LTBP3: variants seen among roughly 807,000 people sequenced by gnomAD.
LTBP3 encodes latent-transforming growth factor beta-binding protein 3.
Under a neutral mutation model 159.7 loss-of-function variants are expected in LTBP3, and 97 were observed. The ratio of observed to expected loss-of-function variants is 0.61; its 90% confidence interval spans 0.52 to 0.72. LTBP3 has a LOEUF of 0.72. Ranked by LOEUF, LTBP3 falls within the 30% of genes least tolerant of loss-of-function variation. LTBP3 has a pLI of 0.00. For synonymous variants in LTBP3, 824 were observed against 777.1 expected (o/e 1.06, Z -1.00); for missense variants, 1,584 against 1,864.3 (o/e 0.85, Z 2.77).
At position 65,551,206 on chromosome 11, in the gene LTBP3, G is replaced by A. The variant is rs1191560560; in HGVS notation, c.1640C>T (p.Ser547Leu). 4 of 1,548,562 alleles carry A rather than the reference G, an allele frequency of 2.6e-6. No individual in the cohort carries two copies. The highest frequency in any genetic ancestry group is 3.5e-6 in the Non-Finnish European group (4 of 1,147,608). ...RPYPELISRPSPPTMRWFLPD... is the reference protein window; with the variant it reads ...RPYPELISRPLPPTMRWFLPD... ...CAGGAACCAGCGCATGGTCGGGGGC[G>A]AGGGACGGGAGATCAGCTCTGCGGG... The change falls in exon 11 of 28, where the codon TCG becomes TTG. Residue 547 changes from serine (S) to leucine (L), a missense_variant. This residue lies in a region of LTBP3 where 565 missense variants were observed against 677.7 expected (regional missense o/e 0.83). Transcript: ENST00000301873.
chr11:65,553,304 G>A lies in LTBP3; in HGVS notation c.971-48C>T, dbSNP rs1186842086. The A allele has an allele frequency of 2.6e-6, 4 of 1,552,686 alleles. No homozygotes were observed. The African/African-American group carries it at 4.1e-5, about 16-fold the overall frequency. ...CAGGGGAGGGTGAGGAGGGAACTGG[G>A]GAGGGGCACAGCAGATGTAGAGAGG... On this transcript the variant is annotated intron_variant, in intron 4 of 27. Coordinates refer to ENST00000301873, the MANE Select transcript of LTBP3 (RefSeq NM_001130144.3). The surrounding 1 kb of genome is among the most constrained non-coding windows in gnomAD (Gnocchi z 6.5).
intron 16 of LTBP3, chr11:65,543,793 C>T: frequency 1.8e-6 from 1 of 548,132 alleles, no homozygotes; most frequent in Non-Finnish European, 3.3e-6. Context: ...TCTCTCCCTG[C>T]CCCAGCCGCT....
chr11:65,540,662 G>A (rs780008286), intron 21 of LTBP3, 48 bp from the exon 22 acceptor site: 126 of 1,528,260 alleles, frequency 8.2e-5, no homozygotes, highest in Non-Finnish European at 1.0e-4. Flanking sequence ...GCTGCAGCCC[G>A]GAGGCGTGGG....
intron 19 of LTBP3, 99 bp from the exon 20 acceptor site, chr11:65,541,392 T>C: frequency 2.0e-6 from 3 of 1,491,126 alleles, no homozygotes; most frequent in Non-Finnish European, 2.8e-6. Context: ...ATTCCCTGGC[T>C]CCCCTTAGCC....
At position 65,552,021 on chromosome 11, in the gene LTBP3, C is replaced by T. The variant is rs773314757; in HGVS notation, c.1482G>A (p.Pro494=). ...PDGPPKPQQL[P]ESPSQAPPPE... is the part of the protein sequence containing the mutation. The stretch of plus-strand genomic sequence containing the variant: ...GTGGTGGAGCCTGGCTAGGGCTCTC[C>T]GGAAGCTGCTGGGGCTTGGGTGGCC... Residue 494 remains proline, a synonymous_variant, in exon 8 of 28, where the codon CCG becomes CCA. Coordinates refer to ENST00000301873, the MANE Select transcript of LTBP3 (RefSeq NM_001130144.3). The surrounding 1 kb of genome is among the most constrained non-coding windows in gnomAD (Gnocchi z 6.0). 15 of 1,613,850 alleles carry T rather than the reference C, an allele frequency of 9.3e-6. No homozygotes were observed. The highest frequency in any genetic ancestry group is 4.0e-5 in the African/African-American group (3 of 74,828).
Position 65,553,566 on chromosome 11 carries a change from C to A in LTBP3, c.865-36G>T, listed in dbSNP as rs1262381971. ...GAGGGGGAGGTGGGGTCACAGAGCA[C>A]CCCGCCCCGGTGCCGCCTGTTAGGG... On this transcript the variant is annotated intron_variant, in intron 3 of 27. Coordinates refer to ENST00000301873, the MANE Select transcript of LTBP3 (RefSeq NM_001130144.3). This position sits in a 1 kb window ranked among gnomAD's most constrained non-coding sequence, Gnocchi z 6.5. The A allele has an allele frequency of 8.6e-6, 13 of 1,513,488 alleles. No individual in the cohort carries two copies. The allele number at this position is 1,513,488 out of a possible 1,614,324, so 93.8% of individuals were successfully genotyped here. A position where few individuals can be genotyped will look rare whatever the true frequency, so the allele number is the denominator to read the frequency against.
intron 8 of LTBP3, 110 bp downstream of exon 8, chr11:65,551,862 G>A: frequency 7.7e-7 from 1 of 1,293,150 alleles, no homozygotes; most frequent in Non-Finnish European, 1.1e-6. Flanking sequence ...GATGGGTCAG[G>A]GATAAGGAAT....
chr11:65,539,971 G>T, intron 24 of LTBP3, 42 bp downstream of exon 24: 2 of 1,458,846 alleles, frequency 1.4e-6, no homozygotes, highest in Non-Finnish European at 1.8e-6. Flanking sequence ...CCACGTGACG[G>T]ACAGGGCCCC....
At position 65,547,108 on chromosome 11, in the gene LTBP3, G is replaced by A. The variant is rs918340808; in HGVS notation, c.2108-188C>T. On this transcript the variant is annotated intron_variant, in intron 14 of 27. Coordinates refer to ENST00000301873, the MANE Select transcript of LTBP3 (RefSeq NM_001130144.3). This position sits in a 1 kb window ranked among gnomAD's most constrained non-coding sequence, Gnocchi z 4.6. ...CACGGCTGTAATCCCAGCACTTTGG[G>A]AGGCCGAGGCGGGTGGATCACCTGA... 6.6e-6 allele frequency among the ~76,000 whole-genome samples: 1 copy of A among 152,230 alleles called. No homozygotes were observed. Among genetic ancestry groups the A allele is most frequent in the Admixed American group, 6.5e-5 (1 of 15,292 alleles).
intron 11 of LTBP3, among the ~76,000 whole-genome samples, chr11:65,549,593 G>GTTTTTTTTTTTT (rs1565097219): frequency 1.8e-5 from 2 of 109,888 alleles, no homozygotes; most frequent in African/African-American, 7.2e-5. Flanking sequence ...TTTTTTTTTG[G>GTTTTTTTTTTTT]ATTTTTAGTA....
At position 65,547,450 on chromosome 11, in the gene LTBP3, G is replaced by T. The variant is rs1856422361; in HGVS notation, c.2096C>A (p.Pro699His). 1.2e-6 allele frequency: 2 copies of T among 1,613,806 alleles called. No homozygotes were observed. The highest frequency in any genetic ancestry group is 1.7e-6 in the Non-Finnish European group (2 of 1,180,010). ...PGYRLKASRP[P>H]VCEDIDECRD... ...TGGGGTCCCCTCACCTTCGCACACA[G>T]GAGGCCGGGAGGCTTTGAGCCGGTA... Residue 699 changes from proline (P) to histidine (H), a missense_variant, in exon 14 of 28, where the codon CCT becomes CAT. By Grantham distance (77) the Pro-to-His change is moderately conservative. Transcript: ENST00000301873. This position sits in a 1 kb window ranked among gnomAD's most constrained non-coding sequence, Gnocchi z 4.6.
chr11:65,545,539 C>A (rs147863328), intron 16 of LTBP3: 2 of 231,176 alleles, frequency 8.7e-6, no homozygotes, highest in African/African-American at 4.4e-5. Flanking sequence ...GGGGAGGGGT[C>A]GTTATCACCC....
chr11:65,556,535 A>C (rs920204878), intron 1 of LTBP3, among the ~76,000 whole-genome samples: 2 of 152,200 alleles, frequency 1.3e-5, no homozygotes, highest in Non-Finnish European at 2.9e-5. Context: ...TCTCAAAAAC[A>C]CAAAAACAAA....
chr11:65,551,769 T>C, intron 8 of LTBP3: 1 of 897,492 alleles, frequency 1.1e-6, no homozygotes. Flanking sequence ...GGGTTACAGG[T>C]CAGGCTGTAG....
intron 17 of LTBP3, 42 bp from the exon 18 acceptor site, chr11:65,543,266 A>G: frequency 1.2e-6 from 2 of 1,613,660 alleles, no homozygotes; most frequent in African/African-American, 1.3e-5. Flanking sequence ...GGGGCTGATC[A>G]CCAACCCCAG....
chr11:65,554,397 G>A lies in LTBP3; in HGVS notation c.332-17C>T, dbSNP rs894687460. ...GGCACACCACTGGGGAGAAGAGTGG[G>A]GTCAGGCCCTCACCCACATCCTGTC... On this transcript the variant is annotated splice_polypyrimidine_tract_variant and intron_variant, in intron 1 of 27. Transcript: ENST00000301873. The surrounding 1 kb of genome is among the most constrained non-coding windows in gnomAD (Gnocchi z 5.3). The A allele has an allele frequency of 1.9e-5, 30 of 1,597,076 alleles. No individual in the cohort carries two copies. The highest frequency in any genetic ancestry group is 2.1e-5 in the Non-Finnish European group (25 of 1,169,262).
At chr11:65,548,307 G>A in intron 11 of LTBP3, 1 of 612,420 alleles carries the variant, frequency 1.6e-6, no homozygotes, top group Non-Finnish European at 2.9e-6. Context: ...TTCACTCCAA[G>A]ACCCTGACCC....
chr11:65,554,210 C>G lies in LTBP3; in HGVS notation c.502G>C (p.Ala168Pro). 6.2e-7 allele frequency: 1 copy of G among 1,610,666 alleles called. No homozygotes were observed. ...LSRTGALSTG[A>P]LPPLAPEGDS... Reference sequence around the variant, plus strand: ...CCCTCCGGAGCCAGGGGCGGCAGCGCCCCTGTGGACAGGGCCCCTGTCCTG... The same window carrying G: ...CCCTCCGGAGCCAGGGGCGGCAGCGGCCCTGTGGACAGGGCCCCTGTCCTG... The change falls in exon 2 of 28, where the codon GCG (alanine) becomes CCG (proline). Residue 168 changes from alanine to proline, a missense_variant. Ala to Pro is a conservative substitution (Grantham distance 27). Around this residue, in one of 6 missense-constraint regions of LTBP3, gnomAD observed 194 missense variants for 198.7 expected, o/e 0.98. Transcript: ENST00000301873. This position sits in a 1 kb window ranked among gnomAD's most constrained non-coding sequence, Gnocchi z 5.3.
Position 65,539,758 on chromosome 11 carries a change from C to A in LTBP3, c.3509G>T (p.Trp1170Leu). 6.5e-7 allele frequency: 1 copy of A among 1,544,884 alleles called. No individual in the cohort carries two copies. Among genetic ancestry groups the A allele is most frequent in the East Asian group, 2.4e-5 (1 of 42,040 alleles). Reference sequence around the variant, plus strand: ...CGGGCACGGTCGGCATTGGGCGCCCCAGCCGCGGCCCTGGCGGCAGCAGCA... The same window carrying A: ...CGGGCACGGTCGGCATTGGGCGCCCAAGCCGCGGCCCTGGCGGCAGCAGCA... The part of the protein sequence containing the change: ...DDCCCRQGRG[W>L]GAQCRPCPPR... The change falls in exon 25 of 28, where the codon TGG becomes TTG. Residue 1170 changes from tryptophan to leucine, a missense_variant. Physicochemically the swap from Trp to Leu is moderately conservative, Grantham distance 61. Around this residue, in one of 6 missense-constraint regions of LTBP3, gnomAD observed 514 missense variants for 530.3 expected, o/e 0.97. Transcript: ENST00000301873.
Sources: allele counts gnomAD v4.1 joint callset (sites outside exome capture counted in the v4.1 genomes callset), GRCh38; gene constraint gnomAD v4.1.1; regional missense constraint gnomAD v4.1.1; non-coding constraint Gnocchi (gnomAD v3.1); transcripts MANE v1.5; gene names NCBI Gene and HGNC (gene_info 2026-07-23, HGNC 2026-07-21).